GSE1: variants seen among roughly 807,000 people sequenced by gnomAD.
The protein encoded by GSE1 is genetic suppressor element 1.
Under a neutral mutation model 112.6 loss-of-function variants are expected in GSE1, and 32 were observed. That is an observed-to-expected ratio of 0.28 (90% CI 0.21 to 0.38). The LOEUF (loss-of-function observed/expected upper bound fraction) is 0.38. Ranked by LOEUF, GSE1 falls within the 10% of genes least tolerant of loss-of-function variation. GSE1 has a pLI of 1.00. For missense variants in GSE1, 2,348 were observed against 1,699.2 expected, an observed-to-expected ratio of 1.38 and a Z score of -6.71; for synonymous variants, 1,115 against 735.6, an observed-to-expected ratio of 1.52 and a Z score of -8.35.
At chr16:85,365,763 T>C (rs537861973) in intron 2 of GSE1, among the ~76,000 whole-genome samples, 116 of 152,358 alleles carry the variant, frequency 7.6e-4, no homozygotes, top group Non-Finnish European at 1.5e-3. Flanking sequence ...CTTCTAGCCA[T>C]GTGTTGAAAT....
At chr16:85,415,209 G>T (rs1315397435) in intron 2 of GSE1, among the ~76,000 whole-genome samples, 3 of 152,180 alleles carry the variant, frequency 2.0e-5, no homozygotes, top group Non-Finnish European at 4.4e-5. Context: ...CAGAGTACTT[G>T]GATTACAGGT....
At chr16:85,609,371 C>A (rs932450233), upstream of GSE1, among the ~76,000 whole-genome samples, 1 of 152,234 alleles carries the variant, frequency 6.6e-6, no homozygotes, top group Admixed American at 6.5e-5. Context: ...GTAGCTGGGA[C>A]CACAGGCTTG....
At chr16:85,480,994 C>A (rs1255251612) in intron 2 of GSE1, among the ~76,000 whole-genome samples, 1 of 152,264 alleles carries the variant, frequency 6.6e-6, no homozygotes, top group Non-Finnish European at 1.5e-5. Flanking sequence ...GCTGCCTTTG[C>A]TCTGATTTCA....
At chr16:85,177,591 T>C (rs769566982) in intron 1 of GSE1, among the ~76,000 whole-genome samples, 1 of 152,196 alleles carries the variant, frequency 6.6e-6, no homozygotes, top group Non-Finnish European at 1.5e-5. Context: ...TTGCGTTGTG[T>C]ACGTGGTGTC....
chr16:85,253,213 C>T (rs942560322), intron 1 of GSE1, among the ~76,000 whole-genome samples: 30 of 152,280 alleles, frequency 2.0e-4, no homozygotes, highest in Middle Eastern at 3.4e-3. Context: ...AGGCCTGCCT[C>T]GCCGCCGGCG....
chr16:85,246,493 T>A (rs1228544609), intron 1 of GSE1, among the ~76,000 whole-genome samples: 27 of 29,180 alleles, frequency 9.3e-4, no homozygotes, highest in Non-Finnish European at 1.2e-3. Flanking sequence ...ACACACACAC[T>A]CTACACACCC....
chr16:85,478,840 TTTCTTTCTTTCTTTC>T (rs2050547038), intron 2 of GSE1, among the ~76,000 whole-genome samples: 1 of 3,912 alleles, frequency 2.6e-4, no homozygotes, highest in African/African-American at 6.3e-4. Context: ...GCTCATTTAT[TTTCTTTCTTTCTTTC>T]TTTCTTTCTT....
chr16:85,341,964 C>T (rs991721260), intron 1 of GSE1, among the ~76,000 whole-genome samples: 6 of 152,122 alleles, frequency 3.9e-5, no homozygotes, highest in African/African-American at 1.2e-4. Context: ...CTCGGTCTCT[C>T]GGCAGTGGAA....
intron 2 of GSE1, among the ~76,000 whole-genome samples, chr16:85,450,117 CTTTTT>C (rs59854597): frequency 2.5e-5 from 2 of 79,506 alleles, no homozygotes; most frequent in Non-Finnish European, 4.4e-5. Context: ...AGGCAGCTGA[CTTTTT>C]TTTTTTTTTT....
rs1211975626 is a variant in GSE1 at position 85,268,904 on chromosome 16, G to A, written c.2284-88559G>A. On this transcript the variant is annotated intron_variant, in intron 1 of 2. Coordinates refer to the GSE1 transcript ENST00000637419. ...AAGGATGGGACCCATTTCTACTTGA[G>A]GGGGGACCAGGGGGCTAGGCTTGCC... Among the ~76,000 whole-genome samples, 3 of 149,716 alleles carry A rather than the reference G, an allele frequency of 2.0e-5. 1 individual carries two copies. The highest frequency in any genetic ancestry group is 7.3e-5 in the African/African-American group (3 of 41,298).
upstream of GSE1, chr16:85,555,289 C>T: frequency 1.0e-6 from 1 of 985,348 alleles, no homozygotes; most frequent in African/African-American, 1.7e-5. Flanking sequence ...CCTCCTGCCT[C>T]CTTCTGCCCA....
chr16:85,311,472 C>A lies in GSE1; in HGVS notation c.2284-45991C>A, dbSNP rs1388590646. Among the ~76,000 whole-genome samples, 1 of 152,048 alleles carries A rather than the reference C, an allele frequency of 6.6e-6. No homozygotes were observed. Among genetic ancestry groups the A allele is most frequent in the Non-Finnish European group, 1.5e-5 (1 of 67,974 alleles). On this transcript the variant is annotated intron_variant, in intron 1 of 2. Transcript: ENST00000637419. The surrounding 1 kb of genome is among the most constrained non-coding windows in gnomAD (Gnocchi z 4.2). The stretch of plus-strand genomic sequence containing the variant: ...TGCTGGGGACAGGACGTGGGCGGAG[C>A]CCTCGGCTGCCTCCCACCGTGGGAC...
chr16:85,318,521 T>C (rs1486520602), intron 1 of GSE1, among the ~76,000 whole-genome samples: 3 of 152,156 alleles, frequency 2.0e-5, no homozygotes, highest in African/African-American at 4.8e-5. Context: ...CTCCTGGGCC[T>C]CCCAAAGTGC....
At chr16:85,183,864 C>T (rs1033847051) in intron 1 of GSE1, among the ~76,000 whole-genome samples, 1 of 152,220 alleles carries the variant, frequency 6.6e-6, no homozygotes, top group African/African-American at 2.4e-5. Flanking sequence ...GTCTGGCTCT[C>T]AGATACCACC....
chr16:85,388,030 GGATGAACA>G (rs1233274262), intron 2 of GSE1, among the ~76,000 whole-genome samples: 32 of 118,774 alleles, frequency 2.7e-4, no homozygotes, highest in Non-Finnish European at 4.0e-4. Flanking sequence ...ATGGATGGAT[GGATGAACA>G]GATGGATGGG....
At chr16:85,379,320 T>A (rs139987347) in intron 2 of GSE1, among the ~76,000 whole-genome samples, 261 of 152,284 alleles carry the variant, frequency 1.7e-3, no homozygotes, top group African/African-American at 5.8e-3. Flanking sequence ...TTTCCATCCG[T>A]TTTGCTCCTC....
chr16:85,564,599 G>C (rs2045659452), intron 1 of GSE1, among the ~76,000 whole-genome samples: 1 of 152,198 alleles, frequency 6.6e-6, no homozygotes, highest in Non-Finnish European at 1.5e-5. Flanking sequence ...GTGGGGACTT[G>C]GCAGGGAAGG....
chr16:85,616,299 G>C (rs2048367468), intron 1 of GSE1, among the ~76,000 whole-genome samples: 1 of 152,268 alleles, frequency 6.6e-6, no homozygotes, highest in African/African-American at 2.4e-5. Flanking sequence ...AGGGGCAGGA[G>C]CTGGTGCCTC....
intron 2 of GSE1, among the ~76,000 whole-genome samples, chr16:85,441,066 A>C (rs1266967404): frequency 6.6e-6 from 1 of 152,208 alleles, no homozygotes; most frequent in Non-Finnish European, 1.5e-5. Flanking sequence ...AGCTGATCCC[A>C]GTGCTGTGGC....
Sources: allele counts gnomAD v4.1 joint callset (sites outside exome capture counted in the v4.1 genomes callset), GRCh38; gene constraint gnomAD v4.1.1; non-coding constraint Gnocchi (gnomAD v3.1); transcripts MANE v1.5; gene names NCBI Gene and HGNC (gene_info 2026-07-23, HGNC 2026-07-21).